STXBP4: variants seen among roughly 807,000 people sequenced by gnomAD.
STXBP4 encodes the protein syntaxin binding protein 4, also known as syntaxin-binding protein 4.
STXBP4 carries 55 observed loss-of-function variants against 76.1 expected under a neutral mutation model. That is an observed-to-expected ratio of 0.72 (90% confidence interval 0.58 to 0.91). STXBP4 has a LOEUF of 0.91. Among genes scored for constraint, STXBP4 ranks in the 40% least tolerant of loss-of-function variants. The pLI is 0.00. For missense variants in STXBP4, 618 were observed against 636.9 expected (o/e 0.97, Z 0.32); for synonymous variants, 201 against 220.2 (o/e 0.91, Z 0.77).
chr17:55,115,878 T>G (rs2079774991), intron 16 of STXBP4, among the ~76,000 whole-genome samples: 1 of 151,874 alleles, frequency 6.6e-6, no homozygotes. Context: ...GATTCAAAGC[T>G]GAACTAAATT....
chr17:55,002,215 G>A (rs1253670461), intron 7 of STXBP4, among the ~76,000 whole-genome samples: 1 of 152,126 alleles, frequency 6.6e-6, no homozygotes, highest in African/African-American at 2.4e-5. Flanking sequence ...GATGATGGAA[G>A]TCAGAACCCT....
intron 17 of STXBP4, among the ~76,000 whole-genome samples, chr17:55,144,474 G>C (rs1190708405): frequency 1.3e-5 from 2 of 152,126 alleles, no homozygotes; most frequent in Non-Finnish European, 2.9e-5. Context: ...ACACAATACA[G>C]TGAGTTCTAC....
chr17:54,980,935 G>GT (rs56044821), intron 1 of STXBP4, among the ~76,000 whole-genome samples: 12,738 of 140,478 alleles, frequency 0.091, 591 homozygotes, highest in Middle Eastern at 0.19. Context: ...ATTTTTTTGC[G>GT]TTTTTTTTTT....
At chr17:55,098,093 G>T (rs572134784) in intron 16 of STXBP4, among the ~76,000 whole-genome samples, 1 of 151,872 alleles carries the variant, frequency 6.6e-6, no homozygotes. Context: ...ATTCTCTTCC[G>T]CACCTCCTTT....
chr17:55,074,559 A>T (rs1459739894), intron 13 of STXBP4, among the ~76,000 whole-genome samples: 2 of 152,134 alleles, frequency 1.3e-5, no homozygotes, highest in Non-Finnish European at 2.9e-5. Flanking sequence ...AAGAGTGTTT[A>T]ATATTTTATT....
At chr17:54,989,976 T>G (rs2144398780) in intron 3 of STXBP4, among the ~76,000 whole-genome samples, 1 of 152,372 alleles carries the variant, frequency 6.6e-6, no homozygotes, top group Admixed American at 6.5e-5. Context: ...TAAAGCTACT[T>G]AAAATATTTA....
At chr17:55,016,760 C>T (rs1298068001) in intron 8 of STXBP4, among the ~76,000 whole-genome samples, 1 of 152,180 alleles carries the variant, frequency 6.6e-6, no homozygotes, top group East Asian at 1.9e-4. Flanking sequence ...GTTAAGTGAA[C>T]TATCAGTGGT....
At chr17:55,124,712 C>G (rs1010796376) in intron 16 of STXBP4, among the ~76,000 whole-genome samples, 1 of 152,302 alleles carries the variant, frequency 6.6e-6, no homozygotes, top group South Asian at 2.1e-4. Context: ...GCTGCCATAA[C>G]AAAATATCAC....
chr17:55,071,340 C>G (rs1319328999), intron 12 of STXBP4, among the ~76,000 whole-genome samples: 2 of 152,134 alleles, frequency 1.3e-5, no homozygotes, highest in African/African-American at 4.8e-5. Flanking sequence ...CCATTCTGCC[C>G]TCATGTCTTA....
chr17:55,099,074 T>A (rs1358729027), intron 16 of STXBP4, among the ~76,000 whole-genome samples: 2 of 152,220 alleles, frequency 1.3e-5, no homozygotes, highest in African/African-American at 4.8e-5. Context: ...GGCACCATTT[T>A]TATTCACCAG....
Position 55,078,706 on chromosome 17 carries a change from T to C in STXBP4, c.1326T>C (p.Ser442=). 1 of 1,567,764 alleles carries C rather than the reference T, an allele frequency of 6.4e-7. No individual in the cohort carries two copies. The highest frequency in any genetic ancestry group is 8.8e-7 in the Non-Finnish European group (1 of 1,139,516). ...GCTAGGCTATTCAAGAAGTATTTTC[T>C]GATAATTCTACTCCTTTATCAAATT... ...HFVEAIQEVF[S]DNSTPLSNLS... The change falls in exon 15 of 18, where the codon TCT becomes TCC. Residue 442 remains serine (S), a synonymous_variant. Coordinates refer to ENST00000376352, the MANE Select transcript of STXBP4 (RefSeq NM_178509.6).
chr17:55,096,768 T>C (rs1185687892), intron 16 of STXBP4, among the ~76,000 whole-genome samples: 1 of 152,162 alleles, frequency 6.6e-6, no homozygotes, highest in Non-Finnish European at 1.5e-5. Context: ...AAGGTAATAA[T>C]AAATGTTCCT....
At chr17:55,212,824 GGA>G in the STXBP4 span, among the ~76,000 whole-genome samples, 21,017 of 152,160 alleles carry the variant, frequency 0.14, 1,718 homozygotes, top group Non-Finnish European at 0.19. Context: ...GATTAAAACT[GGA>G]GAGGTGGGGA....
At chr17:55,036,404 C>T (rs957661365) in intron 10 of STXBP4, among the ~76,000 whole-genome samples, 6 of 127,664 alleles carry the variant, frequency 4.7e-5, no homozygotes, top group Non-Finnish European at 7.2e-5. Context: ...AATCTAGTCA[C>T]CTTACGCTTT....
intron 16 of STXBP4, among the ~76,000 whole-genome samples, chr17:55,111,429 G>A (rs1216720607): frequency 6.6e-6 from 1 of 152,090 alleles, no homozygotes. Flanking sequence ...TTGGATATTT[G>A]TCCCCCCAGA....
chr17:55,155,173 C>T (rs527281300), intron 17 of STXBP4, among the ~76,000 whole-genome samples: 13 of 152,214 alleles, frequency 8.5e-5, no homozygotes, highest in East Asian at 3.9e-4. Flanking sequence ...TTCTCTTAAA[C>T]ATATTTTAGA....
At chr17:55,046,311 C>T (rs935124620) in intron 11 of STXBP4, among the ~76,000 whole-genome samples, 1 of 151,926 alleles carries the variant, frequency 6.6e-6, no homozygotes, top group East Asian at 1.9e-4. Context: ...TTCATTTCAC[C>T]TCTTAGACAA....
At chr17:55,123,859 C>T (rs1249034961) in intron 16 of STXBP4, among the ~76,000 whole-genome samples, 4 of 151,310 alleles carry the variant, frequency 2.6e-5, no homozygotes, top group Non-Finnish European at 4.4e-5. Flanking sequence ...GAGATTGCAC[C>T]ACGGCACTCC....
rs553712759 is a variant in STXBP4 at position 55,011,568 on chromosome 17, G to A, written c.666+3971G>A. Among the ~76,000 whole-genome samples, 42 of 130,658 alleles carry A rather than the reference G, an allele frequency of 3.2e-4. 1 individual carries two copies. The highest frequency in any genetic ancestry group is 0.011 in the Middle Eastern group (2 of 174). 85.7% of individuals were successfully genotyped at this position (130,658 alleles called of 152,430 possible). A position where few individuals can be genotyped will look rare whatever the true frequency, so the allele number is the denominator to read the frequency against. On this transcript the variant is annotated intron_variant, in intron 8 of 17. Transcript: ENST00000376352. ...TAGAGCTCCCATAACAAAGGGAGGGGACCCAAAGAGGGTAGCCATTGGTGG... is the reference window on the plus strand; with the variant it reads ...TAGAGCTCCCATAACAAAGGGAGGGAACCCAAAGAGGGTAGCCATTGGTGG...
Sources: allele counts gnomAD v4.1 joint callset (sites outside exome capture counted in the v4.1 genomes callset), GRCh38; gene constraint gnomAD v4.1.1; transcripts MANE v1.5; gene names NCBI Gene and HGNC (gene_info 2026-07-23, HGNC 2026-07-21).